PCLO: variants seen among roughly 807,000 people sequenced by gnomAD.
The protein encoded by PCLO is protein piccolo.
Under a neutral mutation model 427.5 loss-of-function variants are expected in PCLO, and 82 were observed. That is an observed-to-expected ratio of 0.19 (90% CI 0.16 to 0.23). The LOEUF (loss-of-function observed/expected upper bound fraction) is 0.23, where lower values mean the gene tolerates loss of function less well. PCLO is among the 10% of genes least tolerant of loss of function. The pLI, the probability that PCLO is intolerant of heterozygous loss-of-function variation, is 1.00. For synonymous variants in PCLO, 2,357 were observed against 2,155.4 expected, an observed-to-expected ratio of 1.09 and a Z score of -2.59; for missense variants, 6,239 against 6,115.9, an observed-to-expected ratio of 1.02 and a Z score of -0.67.
chr7:83,036,805 G>A (rs983462967), intron 3 of PCLO, among the ~76,000 whole-genome samples: 9 of 151,972 alleles, frequency 5.9e-5, no homozygotes, highest in East Asian at 3.9e-4. Flanking sequence ...TGCTCCTACC[G>A]CCACTACTAT....
intron 3 of PCLO, among the ~76,000 whole-genome samples, chr7:83,023,011 A>C (rs1474946595): frequency 2.6e-5 from 4 of 152,204 alleles, no homozygotes; most frequent in Non-Finnish European, 5.9e-5. Context: ...ATCAAATCTA[A>C]GATAAATATC....
intron 22 of PCLO, among the ~76,000 whole-genome samples, chr7:82,776,392 A>G (rs1278856031): frequency 6.6e-6 from 1 of 152,202 alleles, no homozygotes. Flanking sequence ...CAGGAGTTCC[A>G]GATCATCCTG....
intron 6 of PCLO, among the ~76,000 whole-genome samples, chr7:82,940,804 C>G: frequency 7.0e-6 from 1 of 141,856 alleles, no homozygotes; most frequent in Non-Finnish European, 1.5e-5. Context: ...TCTCTGTTGC[C>G]CAGGCTGGAG....
In PCLO at chr7:82,845,310, C is replaced by T. The variant is rs1197465201; in HGVS notation, c.14007G>A (p.Gly4669=). 1 of 1,613,324 alleles carries T rather than the reference C, an allele frequency of 6.2e-7. No homozygotes were observed. Among genetic ancestry groups the T allele is most frequent in the East Asian group, 2.2e-5 (1 of 44,826 alleles). Residue 4669 remains glycine, a synonymous_variant, in exon 13 of 25, where the codon GGG becomes GGA. Coordinates refer to ENST00000333891, the MANE Select transcript of PCLO (RefSeq NM_033026.6). ...SSSVPSPGQP[G]SPSVSKKKHG... is the part of the protein sequence containing the mutation. ...GCTTCTTTTTGCTCACTGAGGGGGACCCTGGTTGCCCAGGGCTGGGAACGG... is the reference window on the plus strand; with the variant it reads ...GCTTCTTTTTGCTCACTGAGGGGGATCCTGGTTGCCCAGGGCTGGGAACGG...
chr7:83,044,494 T>G (rs1562936299), intron 3 of PCLO, among the ~76,000 whole-genome samples: 1 of 152,282 alleles, frequency 6.6e-6, no homozygotes, highest in Admixed American at 6.5e-5. Flanking sequence ...TAACAAGAAT[T>G]ATTAAGTAAA....
intron 22 of PCLO, among the ~76,000 whole-genome samples, chr7:82,797,373 C>T (rs1395992799): frequency 6.6e-6 from 1 of 152,026 alleles, no homozygotes; most frequent in East Asian, 1.9e-4. Context: ...TTAAATACAT[C>T]CATCTTAACT....
intron 22 of PCLO, among the ~76,000 whole-genome samples, chr7:82,794,470 T>TTTTTTTTTTTTTC: frequency 1.0e-5 from 1 of 95,498 alleles, no homozygotes; most frequent in Non-Finnish European, 2.1e-5. Context: ...TTTTTTTTTT[T>TTTTTTTTTTTTTC]TTTTTTTTTT....
chr7:82,807,642 C>G (rs1783781539), intron 20 of PCLO, among the ~76,000 whole-genome samples: 1 of 151,894 alleles, frequency 6.6e-6, no homozygotes, highest in African/African-American at 2.4e-5. Flanking sequence ...AGCAGGTTCT[C>G]TAAAGCCACA....
intron 3 of PCLO, among the ~76,000 whole-genome samples, chr7:83,087,221 T>A (rs1275556238): frequency 8.2e-5 from 12 of 146,156 alleles, no homozygotes; most frequent in Admixed American, 6.8e-5. Flanking sequence ...TAAAGCATAA[T>A]AAAAAAAAAA....
chr7:83,003,340 T>C (rs902127898), intron 3 of PCLO, among the ~76,000 whole-genome samples: 1 of 151,808 alleles, frequency 6.6e-6, no homozygotes, highest in Non-Finnish European at 1.5e-5. Context: ...TCCCTGTGTT[T>C]ATAGTCAAGA....
intron 9 of PCLO, among the ~76,000 whole-genome samples, chr7:82,886,123 C>T (rs1392332636): frequency 1.3e-5 from 2 of 152,116 alleles, no homozygotes; most frequent in Non-Finnish European, 2.9e-5. Flanking sequence ...TCAGTCAAGA[C>T]CAAGGAGAGA....
intron 3 of PCLO, among the ~76,000 whole-genome samples, chr7:83,057,367 T>A (rs1789423513): frequency 1.2e-5 from 1 of 85,794 alleles, no homozygotes. Context: ...TTTTTTTTTT[T>A]TTTTTTTTTT....
At chr7:82,873,934 T>A (rs1334770285) in intron 10 of PCLO, among the ~76,000 whole-genome samples, 1 of 152,106 alleles carries the variant, frequency 6.6e-6, no homozygotes. Context: ...TGTATGTAAA[T>A]ATATGAGCAG....
At chr7:82,998,387 TTAAAAA>T (rs1167875021) in intron 3 of PCLO, among the ~76,000 whole-genome samples, 2 of 116,778 alleles carry the variant, frequency 1.7e-5, no homozygotes, top group Non-Finnish European at 3.5e-5. Context: ...GGTCTGTCCT[TTAAAAA>T]CAACAACAAC....
chr7:82,936,263 A>T (rs1485063713), intron 6 of PCLO, among the ~76,000 whole-genome samples: 1 of 151,712 alleles, frequency 6.6e-6, no homozygotes, highest in Admixed American at 6.6e-5. Flanking sequence ...CAATAAATTA[A>T]GGAATGAAGC....
At chr7:82,967,278 C>T (rs1340271773) in intron 3 of PCLO, among the ~76,000 whole-genome samples, 3 of 149,424 alleles carry the variant, frequency 2.0e-5, no homozygotes, top group African/African-American at 4.9e-5. Flanking sequence ...TGGGTTCAAG[C>T]GATTCTCCTG....
intron 7 of PCLO, among the ~76,000 whole-genome samples, chr7:82,910,014 C>T (rs1487023777): frequency 6.6e-6 from 1 of 151,956 alleles, no homozygotes; most frequent in East Asian, 1.9e-4. Context: ...CTTATTTTCC[C>T]TAATATATAG....
chr7:83,022,636 C>T (rs555821569), intron 3 of PCLO, among the ~76,000 whole-genome samples: 4 of 152,280 alleles, frequency 2.6e-5, no homozygotes, highest in East Asian at 1.9e-4. Context: ...AAATAATTTA[C>T]AATATTCCAT....
At chr7:83,132,471 C>T (rs970199656) in intron 3 of PCLO, among the ~76,000 whole-genome samples, 1 of 152,084 alleles carries the variant, frequency 6.6e-6, no homozygotes, top group Non-Finnish European at 1.5e-5. Context: ...TTCCAAATTA[C>T]CACTTTCAAA....
Sources: gnomAD v4.1 joint callset for allele counts (sites outside exome capture counted in the v4.1 genomes callset) on GRCh38, gnomAD v4.1.1 for gene constraint, MANE v1.5 for transcripts, NCBI Gene and HGNC (gene_info 2026-07-23, HGNC 2026-07-21) for gene names.